The following METTL16 variants were observed in gnomAD, a reference collection of about 807,000 sequenced individuals.
METTL16 encodes the protein RNA N(6)-adenosine-methyltransferase METTL16.
Under a neutral mutation model 57.9 loss-of-function variants are expected in METTL16, and 19 were observed. That is an observed-to-expected ratio of 0.33 (90% CI 0.23 to 0.48). The LOEUF (loss-of-function observed/expected upper bound fraction) is 0.48. METTL16 is among the 20% of genes least tolerant of loss of function. The pLI is 0.99. For missense variants in METTL16, 434 were observed against 691.5 expected (o/e 0.63, Z 4.18); for synonymous variants, 246 against 255.6 (o/e 0.96, Z 0.36).
chr17:2,432,520 G>A (rs1294217987), intron 8 of METTL16, among the ~76,000 whole-genome samples: 4 of 152,006 alleles, frequency 2.6e-5, no homozygotes, highest in Non-Finnish European at 5.9e-5. Flanking sequence ...AGTGAGCCGT[G>A]AGCGCGCCAA....
At position 2,511,843 on chromosome 17, in the gene METTL16, C is replaced by A. The variant is rs2067591822; in HGVS notation, c.-85G>T. The A allele has an allele frequency of 2.5e-6, 1 of 398,514 alleles. No individual in the cohort carries two copies. The highest frequency in any genetic ancestry group is 4.4e-6 in the Non-Finnish European group (1 of 226,124). The allele number at this position is 398,514 out of a possible 1,614,324, so 24.7% of individuals were successfully genotyped here. ...ATCTTAAAGCAGCCGCATAGCGAAGCTCCTAGAAACGCAGATGATACGCTC... is the reference window on the plus strand; with the variant it reads ...ATCTTAAAGCAGCCGCATAGCGAAGATCCTAGAAACGCAGATGATACGCTC... On this transcript the variant is annotated 5_prime_UTR_variant, in exon 1 of 10. Coordinates refer to ENST00000263092, the MANE Select transcript of METTL16 (RefSeq NM_024086.4).
chr17:2,506,421 G>A lies in METTL16; in HGVS notation c.1-4090C>T, dbSNP rs1300619752. Among the ~76,000 whole-genome samples the A allele has an allele frequency of 5.9e-5, 9 of 151,974 alleles. No individual in the cohort carries two copies. The South Asian group carries it at 1.7e-3, about 28-fold the overall frequency. On this transcript the variant is annotated intron_variant, in intron 1 of 9. Coordinates refer to ENST00000263092, the MANE Select transcript of METTL16 (RefSeq NM_024086.4). ...CTGCCTCAGCCTGCCGAGTGCCTGC[G>A]ATTGCAGGCGCACGCCGCCACGCCT...
chr17:2,446,794 G>C (rs1394392300), intron 6 of METTL16, among the ~76,000 whole-genome samples: 2 of 152,118 alleles, frequency 1.3e-5, no homozygotes, highest in East Asian at 3.9e-4. Flanking sequence ...TGTTGGCCGG[G>C]CTGGTCTCCA....
intron 3 of METTL16, among the ~76,000 whole-genome samples, chr17:2,476,191 T>C (rs764493432): frequency 6.6e-6 from 1 of 151,714 alleles, no homozygotes; most frequent in Non-Finnish European, 1.5e-5. Flanking sequence ...GGAAACAGAG[T>C]GTGGGTTTGG....
At chr17:2,467,512 G>A (rs762437788) in intron 5 of METTL16, among the ~76,000 whole-genome samples, 4 of 152,148 alleles carry the variant, frequency 2.6e-5, no homozygotes, top group African/African-American at 4.8e-5. Flanking sequence ...TGCAACCTCT[G>A]CCTCCCGGGT....
chr17:2,473,963 T>C (rs2067252434), intron 3 of METTL16, among the ~76,000 whole-genome samples: 1 of 152,206 alleles, frequency 6.6e-6, no homozygotes. Context: ...AGCTGGTACC[T>C]GATGTCATAC....
At chr17:2,415,981 C>T (rs2066711572), downstream of METTL16, 1 of 152,106 alleles carries the variant, frequency 6.6e-6, no homozygotes, top group Admixed American at 6.6e-5. Context: ...AAACAGTCAG[C>T]TGGGACCATT....
In METTL16 at chr17:2,483,202, C is replaced by T. The variant is rs367606802; in HGVS notation, c.129-5317G>A. 6.6e-5 allele frequency among the ~76,000 whole-genome samples: 10 copies of T among 152,100 alleles called. 1 individual carries two copies. In the East Asian group the frequency reaches 9.7e-4, roughly 15 times the overall value. ...ATGATCCAAAGGTTGAAAATAAAAG[C>T]TTAACCAAAAGTATCCCAGACAACT... On this transcript the variant is annotated intron_variant, in intron 2 of 9. Transcript: ENST00000263092.
In METTL16 at chr17:2,420,869, C is replaced by A; in HGVS notation, c.924G>T (p.Pro308=). The A allele has an allele frequency of 1.2e-6, 2 of 1,613,912 alleles. No individual in the cohort carries two copies. The change falls in exon 9 of 10, where the codon CCG becomes CCT. Residue 308 remains proline, a synonymous_variant. Transcript: ENST00000263092. The surrounding 1 kb of genome is among the most constrained non-coding windows in gnomAD (Gnocchi z 5.4). ...GCACCACGAATGTTATGGGTTTTCTCGGTTTCTCTAATTTTCTTCGCTTAC... is the reference window on the plus strand; with the variant it reads ...GCACCACGAATGTTATGGGTTTTCTAGGTTTCTCTAATTTTCTTCGCTTAC... The part of the protein sequence containing the change: ...PPSKRRKLEK[P]RKPITFVVLA...
chr17:2,476,321 A>C (rs905799714), intron 3 of METTL16, among the ~76,000 whole-genome samples: 3 of 152,216 alleles, frequency 2.0e-5, no homozygotes, highest in Non-Finnish European at 4.4e-5. Context: ...ATTTATTTGC[A>C]TGGAGTTGGG....
At chr17:2,464,450 T>C in intron 5 of METTL16, 100 bp from the exon 6 acceptor site, 1 of 1,177,242 alleles carries the variant, frequency 8.5e-7, no homozygotes, top group Non-Finnish European at 1.2e-6. Flanking sequence ...TTGCAATTTT[T>C]ACTTTCCAAA....
intron 2 of METTL16, among the ~76,000 whole-genome samples, chr17:2,499,067 A>G (rs75862295): frequency 6.6e-6 from 1 of 151,384 alleles, no homozygotes; most frequent in African/African-American, 2.5e-5. Flanking sequence ...CTAAATCCCA[A>G]AGTCAGGGTA....
intron 8 of METTL16, among the ~76,000 whole-genome samples, chr17:2,435,358 A>C (rs2066901925): frequency 1.3e-5 from 2 of 152,260 alleles, no homozygotes; most frequent in Non-Finnish European, 2.9e-5. Flanking sequence ...TCCTTGTCTA[A>C]AGCAGCATCC....
intron 6 of METTL16, among the ~76,000 whole-genome samples, chr17:2,442,696 G>A (rs2066962594): frequency 1.3e-5 from 2 of 152,162 alleles, no homozygotes; most frequent in African/African-American, 2.4e-5. Flanking sequence ...CGTCCCGCAG[G>A]TCCTACAGGT....
At chr17:2,499,427 AT>A (rs1261843941) in intron 2 of METTL16, among the ~76,000 whole-genome samples, 2 of 147,564 alleles carry the variant, frequency 1.4e-5, no homozygotes, top group Non-Finnish European at 3.0e-5. Context: ...TCAGCCTCTC[AT>A]GTAGCTGGGA....
At chr17:2,475,374 C>T (rs890786006) in intron 3 of METTL16, 2 of 152,154 alleles carry the variant, frequency 1.3e-5, no homozygotes, top group African/African-American at 4.8e-5. Context: ...TTGGCTGCTG[C>T]TAGCCGTTCT....
At chr17:2,444,037 AC>A (rs549384243) in intron 6 of METTL16, among the ~76,000 whole-genome samples, 24 of 152,132 alleles carry the variant, frequency 1.6e-4, no homozygotes, top group Non-Finnish European at 3.1e-4. Context: ...TTCTCACCAC[AC>A]AAAAAATTGG....
chr17:2,504,488 A>G (rs1219526037), intron 1 of METTL16, among the ~76,000 whole-genome samples: 1 of 152,218 alleles, frequency 6.6e-6, no homozygotes, highest in Non-Finnish European at 1.5e-5. Flanking sequence ...TCAAAGTGAC[A>G]GAACACAGTC....
chr17:2,466,294 A>C (rs758575950), intron 5 of METTL16, among the ~76,000 whole-genome samples: 3 of 152,118 alleles, frequency 2.0e-5, no homozygotes, highest in African/African-American at 4.8e-5. Flanking sequence ...GAGTTGGTCC[A>C]ATGAGAAGAA....
Sources: allele counts gnomAD v4.1 joint callset (sites outside exome capture counted in the v4.1 genomes callset), GRCh38; gene constraint gnomAD v4.1.1; non-coding constraint Gnocchi (gnomAD v3.1); transcripts MANE v1.5; gene names NCBI Gene and HGNC (gene_info 2026-07-23, HGNC 2026-07-21).